The following ATRNL1 variants were observed in gnomAD, a reference collection of about 807,000 sequenced individuals.
The protein encoded by ATRNL1 is attractin like 1.
In ATRNL1, 95 loss-of-function variants were observed where a neutral mutation model predicts 182.7. The observed-to-expected ratio is 0.52, with a 90% CI of 0.44 to 0.62. The LOEUF is 0.62. ATRNL1 is among the 20% of genes least tolerant of loss of function. The pLI is 0.00. For synonymous variants in ATRNL1, 576 were observed against 568.3 expected (o/e 1.01, Z -0.19); for missense variants, 1,471 against 1,679.5 (o/e 0.88, Z 2.17).
intron 5 of ATRNL1, among the ~76,000 whole-genome samples, chr10:115,152,061 C>A (rs1846259353): frequency 6.6e-6 from 1 of 152,100 alleles, no homozygotes; most frequent in Non-Finnish European, 1.5e-5. Flanking sequence ...CTGCTCTGTT[C>A]CATTGATCTA....
At chr10:115,503,700 T>C (rs1207217126) in intron 24 of ATRNL1, among the ~76,000 whole-genome samples, 2 of 151,956 alleles carry the variant, frequency 1.3e-5, no homozygotes, top group Non-Finnish European at 2.9e-5. Flanking sequence ...TTTATTTTTA[T>C]TTTTTTAATA....
intron 28 of ATRNL1, among the ~76,000 whole-genome samples, chr10:115,855,355 T>C (rs988678570): frequency 6.6e-6 from 1 of 152,194 alleles, no homozygotes; most frequent in African/African-American, 2.4e-5. Context: ...GTCCCTTCCA[T>C]ACAAATGTGA....
chr10:115,739,531 G>A (rs1555067085), intron 27 of ATRNL1, among the ~76,000 whole-genome samples: 1 of 152,136 alleles, frequency 6.6e-6, no homozygotes, highest in Non-Finnish European at 1.5e-5. Flanking sequence ...TGTATCTCCT[G>A]CACCCAAGAA....
chr10:115,728,799 A>C (rs1294882652), intron 27 of ATRNL1, among the ~76,000 whole-genome samples: 1 of 152,158 alleles, frequency 6.6e-6, no homozygotes, highest in Admixed American at 6.5e-5. Context: ...GAACATCAGG[A>C]AATTTGTGTG....
chr10:115,847,041 A>T (rs1413628256), intron 27 of ATRNL1, among the ~76,000 whole-genome samples: 1 of 152,002 alleles, frequency 6.6e-6, no homozygotes, highest in Non-Finnish European at 1.5e-5. Context: ...TATTTACTCT[A>T]TGTTATTTCT....
chr10:115,240,853 C>T (rs1359532714), intron 9 of ATRNL1, among the ~76,000 whole-genome samples: 1 of 151,798 alleles, frequency 6.6e-6, no homozygotes. Context: ...TTTAATGTTT[C>T]ACAAGATGCG....
At chr10:115,908,120 A>G (rs1226167619) in intron 28 of ATRNL1, among the ~76,000 whole-genome samples, 2 of 152,198 alleles carry the variant, frequency 1.3e-5, no homozygotes, top group African/African-American at 2.4e-5. Flanking sequence ...TTCCGTGAAC[A>G]CATAAGACCT....
At chr10:115,274,891 A>G (rs1415958606) in intron 13 of ATRNL1, among the ~76,000 whole-genome samples, 1 of 152,230 alleles carries the variant, frequency 6.6e-6, no homozygotes, top group Non-Finnish European at 1.5e-5. Context: ...AATTGGTATT[A>G]CCACTCGGTT....
intron 25 of ATRNL1, among the ~76,000 whole-genome samples, chr10:115,527,093 T>C (rs1554986740): frequency 1.3e-5 from 2 of 150,288 alleles, no homozygotes; most frequent in East Asian, 2.0e-4. Flanking sequence ...TTATGCTCTC[T>C]GCCATCAGGG....
chr10:115,416,774 A>G (rs926174022), intron 20 of ATRNL1, among the ~76,000 whole-genome samples: 1 of 152,228 alleles, frequency 6.6e-6, no homozygotes, highest in African/African-American at 2.4e-5. Context: ...TGATTATGTA[A>G]TTTGAATAAA....
In ATRNL1 at chr10:115,886,592, A is replaced by T. The variant is rs191726069; in HGVS notation, c.4018+38601A>T. Among the ~76,000 whole-genome samples, 14 of 152,344 alleles carry T rather than the reference A, an allele frequency of 9.2e-5. No individual in the cohort carries two copies. In the East Asian group the frequency reaches 2.7e-3, roughly 29 times the overall value. On this transcript the variant is annotated intron_variant, in intron 28 of 28. Coordinates refer to ENST00000355044, the MANE Select transcript of ATRNL1 (RefSeq NM_207303.4). ...TTGTTTTGAATGTCATGTGATTTGTAAGTATTGTATTTAATTTGTAGATTT... is the reference window on the plus strand; with the variant it reads ...TTGTTTTGAATGTCATGTGATTTGTTAGTATTGTATTTAATTTGTAGATTT...
chr10:115,113,563 C>T (rs767344184), intron 1 of ATRNL1, among the ~76,000 whole-genome samples: 22 of 152,110 alleles, frequency 1.4e-4, no homozygotes, highest in Non-Finnish European at 3.1e-4. Flanking sequence ...GTGAATAAGT[C>T]TTATGAGATC....
intron 26 of ATRNL1, among the ~76,000 whole-genome samples, chr10:115,663,858 C>T (rs1431680897): frequency 6.6e-6 from 1 of 152,042 alleles, no homozygotes; most frequent in Admixed American, 6.6e-5. Context: ...ACTTTTAGCA[C>T]AGTGGCCCCA....
chr10:115,772,593 C>CTCTGTGTGTG (rs1555076680), intron 27 of ATRNL1, among the ~76,000 whole-genome samples: 1 of 125,620 alleles, frequency 8.0e-6, no homozygotes, highest in African/African-American at 3.2e-5. Flanking sequence ...AATATATACT[C>CTCTGTGTGTG]TGTCTGTGTG....
At chr10:115,621,932 TC>T (rs1857794279) in intron 26 of ATRNL1, among the ~76,000 whole-genome samples, 1 of 152,068 alleles carries the variant, frequency 6.6e-6, no homozygotes, top group South Asian at 2.1e-4. Flanking sequence ...TCAAATAAAG[TC>T]AGCAGGAAAC....
At chr10:115,106,300 C>T (rs1554865938) in intron 1 of ATRNL1, among the ~76,000 whole-genome samples, 2 of 152,162 alleles carry the variant, frequency 1.3e-5, no homozygotes. Flanking sequence ...TATCCAATAC[C>T]TATACCCCCA....
At chr10:115,857,024 C>G (rs1951205210) in intron 28 of ATRNL1, among the ~76,000 whole-genome samples, 1 of 152,112 alleles carries the variant, frequency 6.6e-6, no homozygotes, top group African/African-American at 2.4e-5. Context: ...TCCTCCTTCT[C>G]TGCTTACTCA....
chr10:115,899,858 T>A (rs1248653443), intron 28 of ATRNL1, among the ~76,000 whole-genome samples: 1 of 152,162 alleles, frequency 6.6e-6, no homozygotes, highest in Admixed American at 6.5e-5. Flanking sequence ...AAGAGCCATA[T>A]AGAACATAAA....
At chr10:115,377,716 T>C (rs1857757362) in intron 19 of ATRNL1, among the ~76,000 whole-genome samples, 1 of 152,152 alleles carries the variant, frequency 6.6e-6, no homozygotes, top group Non-Finnish European at 1.5e-5. Flanking sequence ...TATAAGTCCT[T>C]CTCCTGTTGG....
Sources: gnomAD v4.1 joint callset for allele counts (sites outside exome capture counted in the v4.1 genomes callset) on GRCh38, gnomAD v4.1.1 for gene constraint, MANE v1.5 for transcripts, NCBI Gene and HGNC (gene_info 2026-07-23, HGNC 2026-07-21) for gene names.